The following DDX60L variants were observed in gnomAD, a reference collection of about 807,000 sequenced individuals.
DDX60L encodes the protein probable ATP-dependent RNA helicase DDX60-like.
A neutral mutation model predicts 211.6 loss-of-function variants in DDX60L; 191 were observed. The ratio of observed to expected loss-of-function variants is 0.90; its 90% confidence interval spans 0.80 to 1.02. The LOEUF (loss-of-function observed/expected upper bound fraction) is 1.02, where lower values mean the gene tolerates loss of function less well. Ranked by LOEUF, DDX60L falls within the 50% of genes least tolerant of loss-of-function variation. The pLI is 0.00. For synonymous variants in DDX60L, 706 were observed against 694.1 expected, an observed-to-expected ratio of 1.02 and a Z score of -0.27; for missense variants, 2,007 against 1,984.1, an observed-to-expected ratio of 1.01 and a Z score of -0.22.
intron 1 of DDX60L, among the ~76,000 whole-genome samples, chr4:168,477,468 C>T (rs1759738044): frequency 1.3e-5 from 2 of 151,868 alleles, no homozygotes; most frequent in Admixed American, 1.3e-4. Flanking sequence ...ATAGTGCTAT[C>T]GTTCTTTTAA....
chr4:168,436,049 G>C (rs1752997282), intron 10 of DDX60L, among the ~76,000 whole-genome samples: 1 of 152,234 alleles, frequency 6.6e-6, no homozygotes, highest in East Asian at 1.9e-4. Context: ...TGTTGCATCT[G>C]GCCCCTCCTA....
chr4:168,470,073 A>C (rs1758543361), intron 4 of DDX60L: 1 of 152,228 alleles, frequency 6.6e-6, no homozygotes, highest in Non-Finnish European at 1.5e-5. Context: ...GCACTTGAAA[A>C]AGTAGGCAAC....
chr4:168,420,389 C>T lies in DDX60L; in HGVS notation c.2395-9G>A. 6.3e-7 allele frequency: 1 copy of T among 1,592,736 alleles called. No individual in the cohort carries two copies. The highest frequency in any genetic ancestry group is 8.5e-7 in the Non-Finnish European group (1 of 1,173,904). ...ACTTGACCAACAAGGGACTGATTGACAAGAAAAAAAACCATTAGTCACTTA... is the reference window on the plus strand; with the variant it reads ...ACTTGACCAACAAGGGACTGATTGATAAGAAAAAAAACCATTAGTCACTTA... On this transcript the variant is annotated splice_polypyrimidine_tract_variant and intron_variant, in intron 17 of 37. Coordinates refer to ENST00000682922, the MANE Select transcript of DDX60L (RefSeq NM_001012967.3).
At chr4:168,446,503 C>G (rs1295644057) in intron 9 of DDX60L, among the ~76,000 whole-genome samples, 1 of 152,210 alleles carries the variant, frequency 6.6e-6, no homozygotes, top group Admixed American at 6.5e-5. Flanking sequence ...CTACCAATGA[C>G]TTTCTTCACA....
chr4:168,391,378 T>C (rs757408604), intron 29 of DDX60L, among the ~76,000 whole-genome samples, 162 bp downstream of exon 29: 45 of 151,992 alleles, frequency 3.0e-4, no homozygotes, highest in Non-Finnish European at 5.6e-4. Flanking sequence ...TCACACAAAA[T>C]GAAGCAACAA....
intron 17 of DDX60L, among the ~76,000 whole-genome samples, chr4:168,421,099 A>C (rs1463260666): frequency 6.6e-6 from 1 of 152,204 alleles, no homozygotes; most frequent in Admixed American, 6.5e-5. Flanking sequence ...AATTGAAACA[A>C]TATTAATTAA....
At chr4:168,467,354 T>C (rs1365434357) in intron 4 of DDX60L, among the ~76,000 whole-genome samples, 1 of 149,044 alleles carries the variant, frequency 6.7e-6, no homozygotes, top group East Asian at 2.0e-4. Flanking sequence ...GGTTACAGTG[T>C]GCCAAAATCA....
At chr4:168,374,624 C>G (rs776386763) in intron 34 of DDX60L, among the ~76,000 whole-genome samples, 3 of 152,192 alleles carry the variant, frequency 2.0e-5, no homozygotes, top group Non-Finnish European at 2.9e-5. Context: ...GTAGAAGCCA[C>G]TAGCACTGGA....
rs1415201664 is a variant in DDX60L at position 168,358,199 on chromosome 4, T to G, written c.5069A>C (p.Tyr1690Ser). The change falls in exon 38 of 38, where the codon TAT (tyrosine) becomes TCT (serine). Residue 1690 changes from tyrosine (Y) to serine (S), a missense_variant. Tyr to Ser is a moderately radical substitution (Grantham distance 144). Coordinates refer to ENST00000682922, the MANE Select transcript of DDX60L (RefSeq NM_001012967.3). ...LAFKQLSQTFYEKLQEMQIQM... is the reference protein window; with the variant it reads ...LAFKQLSQTFSEKLQEMQIQM... ...AATTTGCATTTCTTGAAGTTTCTCA[T>G]AAAAGGTTTGACTCAATTGTTTAAA... is the stretch of plus-strand genomic sequence containing the variant. The G allele has an allele frequency of 6.2e-7, 1 of 1,607,306 alleles. No homozygotes were observed. The highest frequency in any genetic ancestry group is 1.3e-5 in the African/African-American group (1 of 74,678).
intron 5 of DDX60L, among the ~76,000 whole-genome samples, chr4:168,460,182 C>G (rs868860278): frequency 2.0e-5 from 3 of 152,134 alleles, no homozygotes; most frequent in African/African-American, 7.2e-5. Flanking sequence ...AATGTGAAAA[C>G]TGGAACAAGA....
In DDX60L at chr4:168,385,186, G is replaced by A. The variant is rs535902509; in HGVS notation, c.3916-374C>T. 7.4e-4 allele frequency among the ~76,000 whole-genome samples: 113 copies of A among 152,236 alleles called. 2 individuals carry two copies. The South Asian group carries it at 0.021, about 28-fold the overall frequency. On this transcript the variant is annotated intron_variant, in intron 29 of 37. Coordinates refer to ENST00000682922, the MANE Select transcript of DDX60L (RefSeq NM_001012967.3). ...GGATTGGGACTTTCAGCCCCTCCTCGCAATTTCTGGGGAAGGGAGAAGGGC... is the reference window on the plus strand; with the variant it reads ...GGATTGGGACTTTCAGCCCCTCCTCACAATTTCTGGGGAAGGGAGAAGGGC...
At chr4:168,379,898 A>T in intron 30 of DDX60L, 68 bp from the exon 31 acceptor site, 1 of 1,107,342 alleles carries the variant, frequency 9.0e-7, no homozygotes. Flanking sequence ...TATGTAATAA[A>T]TAGTACACAT....
At chr4:168,434,274 T>C (rs1752747354) in intron 10 of DDX60L, among the ~76,000 whole-genome samples, 1 of 152,224 alleles carries the variant, frequency 6.6e-6, no homozygotes, top group Non-Finnish European at 1.5e-5. Context: ...TTTCTTCCTC[T>C]GATGTCTCTA....
intron 36 of DDX60L, 93 bp downstream of exon 36, chr4:168,371,519 A>G (rs1741012235): frequency 1.9e-6 from 1 of 521,042 alleles, no homozygotes; most frequent in African/African-American, 2.0e-5. Context: ...AATGTAAATT[A>G]TATGCTGTTA....
At chr4:168,456,814 G>A (rs184093140) in intron 6 of DDX60L, among the ~76,000 whole-genome samples, 1 of 152,184 alleles carries the variant, frequency 6.6e-6, no homozygotes, top group Admixed American at 6.5e-5. Context: ...TAATTTAAGT[G>A]TCTAGCATTA....
At chr4:168,405,891 T>C (rs192286132) in intron 24 of DDX60L, 59 bp downstream of exon 24, 15 of 1,470,078 alleles carry the variant, frequency 1.0e-5, no homozygotes, top group Admixed American at 2.9e-5. Context: ...TAAATTATTA[T>C]GCAACTCCAA....
chr4:168,419,042 AG>A (rs1417269533), intron 19 of DDX60L, among the ~76,000 whole-genome samples: 1 of 152,182 alleles, frequency 6.6e-6, no homozygotes, highest in Non-Finnish European at 1.5e-5. Flanking sequence ...TCATCCTTAC[AG>A]GGTTGAAAGG....
intron 36 of DDX60L, 93 bp downstream of exon 36, chr4:168,371,519 A>T: frequency 1.9e-6 from 1 of 521,042 alleles, no homozygotes; most frequent in Non-Finnish European, 3.0e-6. Context: ...AATGTAAATT[A>T]TATGCTGTTA....
At chr4:168,475,744 A>G (rs1002209873) in intron 1 of DDX60L, among the ~76,000 whole-genome samples, 2 of 152,120 alleles carry the variant, frequency 1.3e-5, no homozygotes, top group African/African-American at 4.8e-5. Flanking sequence ...TTAAAGCCCT[A>G]AACCCCAGTG....
Sources: gnomAD v4.1 joint callset for allele counts (sites outside exome capture counted in the v4.1 genomes callset) on GRCh38, gnomAD v4.1.1 for gene constraint, MANE v1.5 for transcripts, NCBI Gene and HGNC (gene_info 2026-07-23, HGNC 2026-07-21) for gene names.